MAN1A2: variants seen among roughly 807,000 people sequenced by gnomAD.
MAN1A2 encodes mannosidase alpha class 1A member 2.
In MAN1A2, 26 loss-of-function variants were observed where a neutral mutation model predicts 75.7. The observed-to-expected ratio is 0.34, with a 90% confidence interval of 0.25 to 0.48. The LOEUF (loss-of-function observed/expected upper bound fraction) is 0.48. Among genes scored for constraint, MAN1A2 ranks in the 20% least tolerant of loss-of-function variants. MAN1A2 has a pLI of 0.99. For synonymous variants in MAN1A2, 247 were observed against 264.6 expected, an observed-to-expected ratio of 0.93 and a Z score of 0.65; for missense variants, 562 against 775.5, an observed-to-expected ratio of 0.72 and a Z score of 3.27.
chr1:117,392,717 A>G (rs1004677422), intron 1 of MAN1A2, among the ~76,000 whole-genome samples: 2 of 152,256 alleles, frequency 1.3e-5, no homozygotes, highest in Non-Finnish European at 2.9e-5. Flanking sequence ...AGAATAATCT[A>G]TAACTGCTTT....
Position 117,428,784 on chromosome 1 carries a change from CTTTTT to C in MAN1A2, c.855+8154_855+8158del, listed in dbSNP as rs780515731. 2.1e-3 allele frequency among the ~76,000 whole-genome samples: 227 copies of C among 110,174 alleles called. 1 individual carries two copies. Among genetic ancestry groups the C allele is most frequent in the Non-Finnish European group, 2.8e-3 (159 of 55,972 alleles). The allele number at this position is 110,174 out of a possible 152,430, so 72.3% of individuals were successfully genotyped here. On this transcript the variant is annotated intron_variant, in intron 5 of 12. Coordinates refer to ENST00000356554, the MANE Select transcript of MAN1A2 (RefSeq NM_006699.5). The stretch of plus-strand genomic sequence containing the variant: ...TTGTCAGAGACAAGAGGAGACCTTT[CTTTTT>C]TTTTTTTTTTTTTTTTTTAAATTTA...
intron 8 of MAN1A2, among the ~76,000 whole-genome samples, chr1:117,478,746 CTCTAT>C (rs1650398487): frequency 6.6e-6 from 1 of 151,636 alleles, no homozygotes; most frequent in Non-Finnish European, 1.5e-5. Flanking sequence ...TATTTTTAGA[CTCTAT>C]TCTGTTTGTT....
chr1:117,367,702 AC>A lies in MAN1A2; in HGVS notation c.-479del, dbSNP rs1652814155. The A allele has an allele frequency of 6.6e-6, 1 of 152,300 alleles. No individual in the cohort carries two copies. 9.4% of individuals were successfully genotyped at this position (152,300 alleles called of 1,614,324 possible). On this transcript the variant is annotated 5_prime_UTR_variant, in exon 1 of 13. Coordinates refer to ENST00000356554, the MANE Select transcript of MAN1A2 (RefSeq NM_006699.5). ...CCCTGTTTGCAGACGTCCGTGGGAG[AC>A]CCTTATTTTTTCCACCGCTAAGGTT...
At chr1:117,419,508 A>G (rs548729367) in intron 4 of MAN1A2, among the ~76,000 whole-genome samples, 16 of 152,236 alleles carry the variant, frequency 1.1e-4, no homozygotes, top group African/African-American at 3.1e-4. Flanking sequence ...ATTACATTAT[A>G]TTGTAAAAAT....
intron 5 of MAN1A2, among the ~76,000 whole-genome samples, chr1:117,430,881 C>T (rs1197176041): frequency 1.4e-3 from 169 of 122,510 alleles, no homozygotes; most frequent in Non-Finnish European, 2.3e-3. Flanking sequence ...TAGGTTGTAG[C>T]GAGCCGAGAT....
intron 2 of MAN1A2, among the ~76,000 whole-genome samples, chr1:117,405,113 T>A (rs1322724960): frequency 6.6e-6 from 1 of 152,170 alleles, no homozygotes; most frequent in Non-Finnish European, 1.5e-5. Context: ...TTAGATATTA[T>A]CTGGGACTGC....
intron 3 of MAN1A2, among the ~76,000 whole-genome samples, chr1:117,410,155 A>G (rs769668798): frequency 2.0e-5 from 3 of 151,914 alleles, no homozygotes; most frequent in Non-Finnish European, 4.4e-5. Flanking sequence ...ATTTTCCCCA[A>G]ATATTTTCCG....
At position 117,457,848 on chromosome 1, in the gene MAN1A2, C is replaced by T. The variant is rs1410234627; in HGVS notation, c.951-2641C>T. Among the ~76,000 whole-genome samples, 3 of 152,194 alleles carry T rather than the reference C, an allele frequency of 2.0e-5. No individual in the cohort carries two copies. The East Asian group carries it at 5.8e-4, about 29-fold the overall frequency. On this transcript the variant is annotated intron_variant, in intron 6 of 12. Coordinates refer to ENST00000356554, the MANE Select transcript of MAN1A2 (RefSeq NM_006699.5). ...AAATTATTTCATAGTCCAGATTATA[C>T]CTTGCTTTCTAACCTCATCCTGTGT...
rs773952213 is a variant in MAN1A2, at chr1:117,527,022, C to T, written c.*4065C>T. On this transcript the variant is annotated 3_prime_UTR_variant, in exon 13 of 13. Coordinates refer to ENST00000356554, the MANE Select transcript of MAN1A2 (RefSeq NM_006699.5). Reference sequence around the variant, plus strand: ...AACAAACACAGTTGAAAACTGGTTTCGGCTGCACAAATAAGCAGAATATTT... The same window carrying T: ...AACAAACACAGTTGAAAACTGGTTTTGGCTGCACAAATAAGCAGAATATTT... 5.3e-5 allele frequency: 8 copies of T among 150,986 alleles called. No homozygotes were observed. In the South Asian group the frequency reaches 6.2e-4, roughly 12 times the overall value. 9.4% of individuals were successfully genotyped at this position (150,986 alleles called of 1,614,324 possible).
rs371465193 is a variant in MAN1A2 at position 117,368,436 on chromosome 1, A to G, written c.253A>G (p.Lys85Glu). 29 of 1,613,698 alleles carry G rather than the reference A, an allele frequency of 1.8e-5. No individual in the cohort carries two copies. The highest frequency in any genetic ancestry group is 4.0e-5 in the African/African-American group (3 of 74,866). The change falls in exon 1 of 13, where the codon AAA becomes GAA. Residue 85 changes from lysine to glutamate, a missense_variant. This residue lies in a region of MAN1A2 where 128 missense variants were observed against 129.8 expected (regional missense o/e 0.99). Transcript: ENST00000356554. Reference protein sequence around the residue: ...IPHVDAGKGAKNPGVFLIHGP... With the variant: ...IPHVDAGKGAENPGVFLIHGP... ...ACATGTAGATGCCGGTAAAGGGGCT[A>G]AAAACCCCGGAGTCTTCCTGATCCA...
chr1:117,487,342 G>A (rs759849444), intron 8 of MAN1A2, among the ~76,000 whole-genome samples: 93 of 152,072 alleles, frequency 6.1e-4, no homozygotes, highest in Non-Finnish European at 9.9e-4. Flanking sequence ...TGACCAGATT[G>A]GGAGGAAGGT....
At chr1:117,370,451 A>G (rs4659047) in intron 1 of MAN1A2, among the ~76,000 whole-genome samples, 21,526 of 152,154 alleles carry the variant, frequency 0.14, 1,739 homozygotes, top group South Asian at 0.22. Context: ...TTCTGTGGTT[A>G]TATCAGTTGA....
intron 12 of MAN1A2, among the ~76,000 whole-genome samples, chr1:117,520,160 CAAGGGACAT>C (rs1207875677): frequency 1.3e-5 from 2 of 151,942 alleles, no homozygotes; most frequent in Non-Finnish European, 2.9e-5. Flanking sequence ...AATCGGCATA[CAAGGGACAT>C]ACCTCAATGT....
chr1:117,401,867 TTTTTG>T (rs1379279577), intron 1 of MAN1A2, among the ~76,000 whole-genome samples: 7 of 152,182 alleles, frequency 4.6e-5, no homozygotes, highest in African/African-American at 1.4e-4. Flanking sequence ...ACTTATTCTA[TTTTTG>T]TTTTCTCTCC....
intron 1 of MAN1A2, among the ~76,000 whole-genome samples, chr1:117,391,811 C>T (rs1251558917): frequency 1.3e-5 from 2 of 152,168 alleles, no homozygotes; most frequent in African/African-American, 2.4e-5. Context: ...CCAAATCACC[C>T]TTTCTTTCTT....
chr1:117,500,762 AT>A (rs754825282), intron 11 of MAN1A2, among the ~76,000 whole-genome samples: 6 of 151,844 alleles, frequency 4.0e-5, no homozygotes, highest in Non-Finnish European at 8.8e-5. Flanking sequence ...TACTAGTGAA[AT>A]TCTCTGTGTA....
At position 117,420,655 on chromosome 1, in the gene MAN1A2, C is replaced by G. The variant is rs924901927; in HGVS notation, c.855+6C>G. ...ATTACCTATCAGGAGAGGAGGTGAG[C>G]AAAATCAAGCAATGCATTGTTTGTT... On this transcript the variant is annotated splice_donor_region_variant and intron_variant, in intron 5 of 12. Transcript: ENST00000356554. 1 of 1,599,096 alleles carries G rather than the reference C, an allele frequency of 6.3e-7. No homozygotes were observed. The highest frequency in any genetic ancestry group is 8.6e-7 in the Non-Finnish European group (1 of 1,167,098).
At chr1:117,442,401 C>T in intron 6 of MAN1A2, 76 bp downstream of exon 6, 3 of 900,228 alleles carry the variant, frequency 3.3e-6, no homozygotes, top group Non-Finnish European at 5.4e-6. Context: ...TAATGAGTCA[C>T]CCCCACATTT....
intron 7 of MAN1A2, among the ~76,000 whole-genome samples, chr1:117,461,413 G>C (rs1649817129): frequency 6.6e-6 from 1 of 152,146 alleles, no homozygotes; most frequent in South Asian, 2.1e-4. Context: ...GTAGTGAGGA[G>C]AGAAGGATAA....
Sources: allele counts gnomAD v4.1 joint callset (sites outside exome capture counted in the v4.1 genomes callset), GRCh38; gene constraint gnomAD v4.1.1; regional missense constraint gnomAD v4.1.1; transcripts MANE v1.5; gene names NCBI Gene and HGNC (gene_info 2026-07-23, HGNC 2026-07-21).